SEC22C: variants seen among roughly 807,000 people sequenced by gnomAD.
The protein encoded by SEC22C is SEC22 homolog C, vesicle trafficking protein.
A neutral mutation model predicts 34.7 loss-of-function variants in SEC22C; 29 were observed. The observed-to-expected ratio is 0.84, with a 90% CI of 0.62 to 1.14. The LOEUF is 1.14. SEC22C is among the 50% of genes most tolerant of loss of function. SEC22C has a pLI of 0.00. For missense variants in SEC22C, 337 were observed against 369.0 expected (o/e 0.91, Z 0.71); for synonymous variants, 117 against 132.8 (o/e 0.88, Z 0.82).
rs1190657861 is a variant in SEC22C at position 42,601,014 on chromosome 3, C to T, written c.-82G>A. 6.3e-6 allele frequency: 10 copies of T among 1,576,510 alleles called. No individual in the cohort carries two copies. In the East Asian group the frequency reaches 9.5e-5, roughly 15 times the overall value. On this transcript the variant is annotated 5_prime_UTR_variant, in exon 1 of 7. Coordinates refer to the SEC22C transcript ENST00000417572. ...GCCGCCACCTCGGTCGCGATGGGGGCGCAGGACCGGCCGCAGTGCCACTTC... is the reference window on the plus strand; with the variant it reads ...GCCGCCACCTCGGTCGCGATGGGGGTGCAGGACCGGCCGCAGTGCCACTTC...
At chr3:42,599,953 T>A (rs1393190402) in intron 1 of SEC22C, among the ~76,000 whole-genome samples, 2 of 152,048 alleles carry the variant, frequency 1.3e-5, no homozygotes, top group Non-Finnish European at 2.9e-5. Context: ...TAATCAGAAT[T>A]AAAAACTTCT....
intron 1 of SEC22C, chr3:42,590,841 GC>G: frequency 6.4e-7 from 1 of 1,570,656 alleles, no homozygotes; most frequent in Non-Finnish European, 8.8e-7. Flanking sequence ...GAGAGCGTAG[GC>G]CCCACCTATC....
chr3:42,590,884 G>C (rs2125739703), intron 1 of SEC22C: 1 of 1,613,936 alleles, frequency 6.2e-7, no homozygotes. Context: ...TCGTGGTTCC[G>C]GAGGTTCCTC....
rs1702289593 is a variant in SEC22C at position 42,552,235 on chromosome 3, TTAAGA to T, written c.*1008_*1012del. The T allele has an allele frequency of 1.0e-6, 1 of 985,310 alleles. No individual in the cohort carries two copies. The highest frequency in any genetic ancestry group is 1.2e-6 in the Non-Finnish European group (1 of 829,936). 61.0% of individuals were successfully genotyped at this position (985,310 alleles called of 1,614,324 possible). A position where few individuals can be genotyped will look rare whatever the true frequency, so the allele number is the denominator to read the frequency against. On this transcript the variant is annotated 3_prime_UTR_variant, in exon 7 of 7. Coordinates refer to ENST00000264454, the MANE Select transcript of SEC22C (RefSeq NM_032970.4). ...ATAAAAAATGAGGCCCTCAAGCTAA[TTAAGA>T]TGACTGGGAAAGGTGCAGAGGAGTA...
rs1243575941 is a variant in SEC22C, at chr3:42,550,180, C to T, written c.*3068G>A. 12 of 985,372 alleles carry T rather than the reference C, an allele frequency of 1.2e-5. No homozygotes were observed. Among genetic ancestry groups the T allele is most frequent in the Non-Finnish European group, 1.4e-5 (12 of 829,956 alleles). The allele number at this position is 985,372 out of a possible 1,614,324, so 61.0% of individuals were successfully genotyped here. On this transcript the variant is annotated 3_prime_UTR_variant, in exon 7 of 7. Transcript: ENST00000264454. Reference sequence around the variant, plus strand: ...TTGATACAGTAGATGGGACTTAACACACTCTGATGCTCAAGGCCTTGCAGC... The same window carrying T: ...TTGATACAGTAGATGGGACTTAACATACTCTGATGCTCAAGGCCTTGCAGC...
chr3:42,549,591 G>T lies in SEC22C; in HGVS notation c.*3657C>A. On this transcript the variant is annotated 3_prime_UTR_variant, in exon 7 of 7. Coordinates refer to ENST00000264454, the MANE Select transcript of SEC22C (RefSeq NM_032970.4). ...ACTCCTCTCCAAGACTTGACTCCCA[G>T]GCATGGGTGGGAGAGTTGAACCTCA... The T allele has an allele frequency of 8.1e-6, 8 of 984,734 alleles. No individual in the cohort carries two copies. Among genetic ancestry groups the T allele is most frequent in the Non-Finnish European group, 9.6e-6 (8 of 829,824 alleles). The allele number at this position is 984,734 out of a possible 1,614,324, so 61.0% of individuals were successfully genotyped here.
At chr3:42,589,035 C>T (rs1167195947) in intron 1 of SEC22C, among the ~76,000 whole-genome samples, 2 of 151,820 alleles carry the variant, frequency 1.3e-5, no homozygotes, top group African/African-American at 4.8e-5. Flanking sequence ...GAGGCCGAAG[C>T]GGGCGGATCA....
intron 1 of SEC22C, chr3:42,594,314 C>T: frequency 1.3e-6 from 1 of 755,060 alleles, no homozygotes; most frequent in Non-Finnish European, 2.3e-6. Flanking sequence ...CTGAATCATC[C>T]AGTCAGTGGA....
In SEC22C at chr3:42,553,202, G is replaced by T; in HGVS notation, c.*46C>A. ...AGAAGCAGAAAGAGAAACATAGATTGATCCTCAAAAGAAAATCAAAGAATC... is the reference window on the plus strand; with the variant it reads ...AGAAGCAGAAAGAGAAACATAGATTTATCCTCAAAAGAAAATCAAAGAATC... On this transcript the variant is annotated 3_prime_UTR_variant, in exon 7 of 7. Coordinates refer to ENST00000264454, the MANE Select transcript of SEC22C (RefSeq NM_032970.4). 6.2e-7 allele frequency: 1 copy of T among 1,605,824 alleles called. No homozygotes were observed. The highest frequency in any genetic ancestry group is 1.1e-5 in the South Asian group (1 of 90,154).
Position 42,590,126 on chromosome 3 carries a change from A to G in SEC22C, c.-28+10834T>C, listed in dbSNP as rs186065852. ...CTAATAAGCATTATTCCTGCCCCAAATAAGTCCAGGCTATGTGGAAAAACG... is the reference window on the plus strand; with the variant it reads ...CTAATAAGCATTATTCCTGCCCCAAGTAAGTCCAGGCTATGTGGAAAAACG... On this transcript the variant is annotated intron_variant, in intron 1 of 6. Transcript: ENST00000417572. Among the ~76,000 whole-genome samples, 44 of 152,340 alleles carry G rather than the reference A, an allele frequency of 2.9e-4. 1 individual carries two copies. The highest frequency in any genetic ancestry group is 9.1e-4 in the African/African-American group (38 of 41,576).
chr3:42,567,737 C>G (rs1703338286), intron 2 of SEC22C, among the ~76,000 whole-genome samples: 2 of 152,130 alleles, frequency 1.3e-5, no homozygotes, highest in Admixed American at 6.5e-5. Flanking sequence ...GAGACCTACT[C>G]TCACTTATTT....
chr3:42,591,100 G>C (rs966862101), intron 1 of SEC22C: 9 of 1,026,480 alleles, frequency 8.8e-6, no homozygotes, highest in East Asian at 2.6e-5. Context: ...GGGGTGCGGG[G>C]TGAGATGGGC....
chr3:42,586,929 A>G (rs538304627), upstream of SEC22C, among the ~76,000 whole-genome samples: 35 of 152,296 alleles, frequency 2.3e-4, no homozygotes, highest in African/African-American at 7.9e-4. Flanking sequence ...CCCTGCCTAC[A>G]TAAGGGGCAT....
At chr3:42,563,949 A>G (rs902837580) in intron 2 of SEC22C, 3 of 1,351,596 alleles carry the variant, frequency 2.2e-6, no homozygotes, top group East Asian at 4.2e-5. Context: ...TGCATATTCT[A>G]TTGGGGGAAT....
In SEC22C at chr3:42,549,047, A is replaced by C; in HGVS notation, c.*4201T>G. On this transcript the variant is annotated 3_prime_UTR_variant, in exon 7 of 7. Transcript: ENST00000264454. Reference sequence around the variant, plus strand: ...GTGCACTGCGACATAGGACTCAGTGAAGAGCCTAGCCAGCTGACGGTCAGC... The same window carrying C: ...GTGCACTGCGACATAGGACTCAGTGCAGAGCCTAGCCAGCTGACGGTCAGC... The C allele has an allele frequency of 1.0e-6, 1 of 989,824 alleles. No individual in the cohort carries two copies. Among genetic ancestry groups the C allele is most frequent in the East Asian group, 9.2e-5 (1 of 10,836 alleles). 61.3% of individuals were successfully genotyped at this position (989,824 alleles called of 1,614,324 possible).
At chr3:42,584,953 C>G (rs1285856756), upstream of SEC22C, among the ~76,000 whole-genome samples, 1 of 152,016 alleles carries the variant, frequency 6.6e-6, no homozygotes, top group East Asian at 1.9e-4. Context: ...ATGGCAAAAC[C>G]CCGTCTCTAT....
In SEC22C at chr3:42,590,909, C is replaced by G. The variant is rs370129489; in HGVS notation, c.-28+10051G>C. 4 of 1,522,032 alleles carry G rather than the reference C, an allele frequency of 2.6e-6. No individual in the cohort carries two copies. In the South Asian group the frequency reaches 3.3e-5, roughly 13 times the overall value. 94.3% of individuals were successfully genotyped at this position (1,522,032 alleles called of 1,614,324 possible). On this transcript the variant is annotated intron_variant, in intron 1 of 6. Coordinates refer to the SEC22C transcript ENST00000417572. ...GGAGGTTCCTCGGGATGTCGGTGGC[C>G]TTCGTACCGGACTGGCTGAGGGGCA...
At chr3:42,569,794 T>C (rs1703497259) in intron 1 of SEC22C, among the ~76,000 whole-genome samples, 3 of 152,178 alleles carry the variant, frequency 2.0e-5, no homozygotes, top group Non-Finnish European at 4.4e-5. Flanking sequence ...GAAACAGATC[T>C]GAACCCTCGT....
At chr3:42,593,913 A>C (rs1704948286) in intron 1 of SEC22C, among the ~76,000 whole-genome samples, 1 of 152,112 alleles carries the variant, frequency 6.6e-6, no homozygotes, top group African/African-American at 2.4e-5. Context: ...AGTGTGCCGG[A>C]TATCTTCAAG....
Sources: gnomAD v4.1 joint callset for allele counts (sites outside exome capture counted in the v4.1 genomes callset) on GRCh38, gnomAD v4.1.1 for gene constraint, MANE v1.5 for transcripts, NCBI Gene and HGNC (gene_info 2026-07-23, HGNC 2026-07-21) for gene names.